Variants in CD101 observed in about 807,000 individuals in gnomAD.
CD101 encodes the protein immunoglobulin superfamily member 2.
In CD101, 76 loss-of-function variants were observed where a neutral mutation model predicts 98.2. That is an observed-to-expected ratio of 0.77 (90% CI 0.64 to 0.94). The LOEUF (loss-of-function observed/expected upper bound fraction) is 0.94. Ranked by LOEUF, CD101 falls within the 40% of genes least tolerant of loss-of-function variation. The pLI, the probability that CD101 is intolerant of heterozygous loss-of-function variation, is 0.00. For synonymous variants in CD101, 471 were observed against 472.7 expected, an observed-to-expected ratio of 1.00 and a Z score of 0.05; for missense variants, 1,145 against 1,218.8, an observed-to-expected ratio of 0.94 and a Z score of 0.90.
Position 117,022,012 on chromosome 1 carries a change from G to T in CD101, c.2428+29G>T. The T allele has an allele frequency of 1.3e-6, 2 of 1,563,394 alleles. No homozygotes were observed. Among genetic ancestry groups the T allele is most frequent in the Non-Finnish European group, 1.7e-6 (2 of 1,157,708 alleles). ...AACCTTGCGAGTGTATCCTCACAAT[G>T]TCTGTCTGTCTGACGGCTGTTTTCT... On this transcript the variant is annotated intron_variant, in intron 7 of 9. Transcript: ENST00000682167. This position sits in a 1 kb window ranked among gnomAD's most constrained non-coding sequence, Gnocchi z 4.8.
chr1:117,012,101 T>A lies in CD101; in HGVS notation c.841+135T>A. The stretch of plus-strand genomic sequence containing the variant: ...TAGAAAGTTTGATTTAATTTTGTAT[T>A]TTTGTCATCTGAGAAGCATAACTAA... On this transcript the variant is annotated intron_variant, in intron 3 of 9. Coordinates refer to ENST00000682167, the MANE Select transcript of CD101 (RefSeq NM_001256106.3). This position sits in a 1 kb window ranked among gnomAD's most constrained non-coding sequence, Gnocchi z 4.0. 1.2e-6 allele frequency: 1 copy of A among 827,354 alleles called. No homozygotes were observed. Among genetic ancestry groups the A allele is most frequent in the Non-Finnish European group, 1.9e-6 (1 of 532,658 alleles). The allele number at this position is 827,354 out of a possible 1,614,324, so 51.3% of individuals were successfully genotyped here.
In CD101 at chr1:117,029,204, AAAAGAAAGAAAAGAAAGAAAG is replaced by A. The variant is rs1654210290; in HGVS notation, c.2824+3312_2824+3332del. On this transcript the variant is annotated intron_variant, in intron 8 of 9. Coordinates refer to ENST00000682167, the MANE Select transcript of CD101 (RefSeq NM_001256106.3). The stretch of plus-strand genomic sequence containing the variant: ...GAAAGAAAGAAAGAAAGAAAGAAAG[AAAAGAAAGAAAAGAAAGAAAG>A]AAAGAAAGAAAGAAAGAAAGAAAGA... Among the ~76,000 whole-genome samples the A allele has an allele frequency of 9.3e-4, 55 of 58,858 alleles. 1 individual carries two copies. Among genetic ancestry groups the A allele is most frequent in the East Asian group, 5.3e-3 (13 of 2,440 alleles). 38.6% of individuals were successfully genotyped at this position (58,858 alleles called of 152,430 possible).
Position 117,004,482 on chromosome 1 carries a change from G to A in CD101, c.43+2622G>A, listed in dbSNP as rs986663426. Among the ~76,000 whole-genome samples, 3 of 152,026 alleles carry A rather than the reference G, an allele frequency of 2.0e-5. No individual in the cohort carries two copies. The highest frequency in any genetic ancestry group is 4.8e-5 in the African/African-American group (2 of 41,398). Reference sequence around the variant, plus strand: ...ATTTTTAAAGAAAGTCAATACCATCGAGGAATTTTTGGTGTTTTGAAAGCA... The same window carrying A: ...ATTTTTAAAGAAAGTCAATACCATCAAGGAATTTTTGGTGTTTTGAAAGCA... On this transcript the variant is annotated intron_variant, in intron 1 of 9. Transcript: ENST00000682167. This position sits in a 1 kb window ranked among gnomAD's most constrained non-coding sequence, Gnocchi z 4.1.
chr1:117,011,730 C>T lies in CD101; in HGVS notation c.605C>T (p.Ser202Phe), dbSNP rs41276560. Residue 202 changes from serine (S) to phenylalanine (F), a missense_variant, in exon 3 of 10, where the codon TCC (serine) becomes TTC (phenylalanine). Ser to Phe is a radical substitution (Grantham distance 155, BLOSUM62 -2). Coordinates refer to ENST00000682167, the MANE Select transcript of CD101 (RefSeq NM_001256106.3). ...CAAGCCACTGAGATTATTTCTCTCT[C>T]CAAAGATTTTATATTGGTCCCTGGG... The part of the protein sequence containing the change: ...GSQATEIISL[S>F]KDFILVPGPL... The T allele has an allele frequency of 3.7e-3, 6,036 of 1,614,088 alleles. 18 individuals are homozygous for T. Among genetic ancestry groups the T allele is most frequent in the Non-Finnish European group, 4.5e-3 (5,271 of 1,180,016 alleles).
In CD101 at chr1:117,019,661, T is replaced by C. The variant is rs747352676; in HGVS notation, c.2017+1101T>C. ...TCCCTACCCATGGATACAAGCTGTA[T>C]GTTCACAACTCCCACATTCATTATC... On this transcript the variant is annotated intron_variant, in intron 6 of 9. Transcript: ENST00000682167. This position sits in a 1 kb window ranked among gnomAD's most constrained non-coding sequence, Gnocchi z 4.3. Among the ~76,000 whole-genome samples, 1 of 152,220 alleles carries C rather than the reference T, an allele frequency of 6.6e-6. No homozygotes were observed. Among genetic ancestry groups the C allele is most frequent in the Non-Finnish European group, 1.5e-5 (1 of 68,042 alleles).
intron 8 of CD101, chr1:117,026,196 A>G (rs1653913381): frequency 1.0e-5 from 3 of 286,636 alleles, no homozygotes; most frequent in East Asian, 1.3e-4. Flanking sequence ...GCAATAAGCT[A>G]AGCTTACTGA....
chr1:117,001,841 A>T lies in CD101; in HGVS notation c.24A>T (p.Ala8=). The change falls in exon 1 of 10, where the codon GCA becomes GCT. Residue 8 remains alanine, a synonymous_variant. Transcript: ENST00000682167. Reference sequence around the variant, plus strand: ...AAATGGCAGGCATCTCATATGTGGCATCTTTCTTTCTCCTTCTGAGTAAGT... The same window carrying T: ...AAATGGCAGGCATCTCATATGTGGCTTCTTTCTTTCTCCTTCTGAGTAAGT... The part of the protein sequence containing the change: MAGISYV[A]SFFLLLTKLS... The T allele has an allele frequency of 1.2e-6, 2 of 1,614,164 alleles. No individual in the cohort carries two copies. The highest frequency in any genetic ancestry group is 1.7e-6 in the Non-Finnish European group (2 of 1,180,000).
chr1:117,002,920 GTAAGAT>G (rs1375857149), intron 1 of CD101, among the ~76,000 whole-genome samples: 1 of 152,216 alleles, frequency 6.6e-6, no homozygotes, highest in African/African-American at 2.4e-5. Flanking sequence ...AAATAAAGAT[GTAAGAT>G]TATTTTTCAC....
At chr1:117,020,177 A>G (rs958773570) in intron 6 of CD101, among the ~76,000 whole-genome samples, 3 of 152,114 alleles carry the variant, frequency 2.0e-5, no homozygotes, top group Admixed American at 2.0e-4. Flanking sequence ...TATTTGGGCT[A>G]GGAGACCCTG....
rs1557766680 is a variant in CD101, at chr1:117,011,563, CCT to C, written c.443_444del (p.Ser148CysfsTer10). On this transcript the variant is annotated frameshift_variant, in exon 3 of 10. Coordinates refer to ENST00000682167, the MANE Select transcript of CD101 (RefSeq NM_001256106.3). LOFTEE classifies it high-confidence loss of function. ...CTTTGTTTCCAGTTATTCCAGATAC[CCT>C]CTCTGCCACCATGAGTTCTCAGACT... ...KTNLIVIPDT[L>X]SATMSSQTLG... 1 of 1,612,568 alleles carries C rather than the reference CCT, an allele frequency of 6.2e-7. No individual in the cohort carries two copies. Among genetic ancestry groups the C allele is most frequent in the Admixed American group, 1.7e-5 (1 of 59,776 alleles).
At chr1:117,007,947 G>C (rs554611069) in intron 1 of CD101, among the ~76,000 whole-genome samples, 4 of 152,308 alleles carry the variant, frequency 2.6e-5, no homozygotes, top group African/African-American at 9.6e-5. Context: ...AATGAGCAGT[G>C]TAGCTGTGCA....
rs983380155 is a variant in CD101 at position 117,023,414 on chromosome 1, ACTT to A, written c.2428+1438_2428+1440del. Among the ~76,000 whole-genome samples the A allele has an allele frequency of 6.6e-6, 1 of 150,986 alleles. No homozygotes were observed. Among genetic ancestry groups the A allele is most frequent in the Non-Finnish European group, 1.5e-5 (1 of 67,748 alleles). On this transcript the variant is annotated intron_variant, in intron 7 of 9. Coordinates refer to ENST00000682167, the MANE Select transcript of CD101 (RefSeq NM_001256106.3). The surrounding 1 kb of genome is among the most constrained non-coding windows in gnomAD (Gnocchi z 4.4). The stretch of plus-strand genomic sequence containing the variant: ...GTTTGAGAATGTCCACAACTAATTC[ACTT>A]CTTCTTTTTCTTTTTTTTTAGACGG...
rs73004146 is a variant in CD101 at position 117,018,033 on chromosome 1, T to C, written c.1613-123T>C. 1.2e-3 allele frequency: 1,095 copies of C among 930,904 alleles called. 10 individuals carry two copies. In the African/African-American group the frequency reaches 0.016, roughly 14 times the overall value. The allele number at this position is 930,904 out of a possible 1,614,324, so 57.7% of individuals were successfully genotyped here. On this transcript the variant is annotated intron_variant, in intron 5 of 9. Transcript: ENST00000682167. This position sits in a 1 kb window ranked among gnomAD's most constrained non-coding sequence, Gnocchi z 4.3. Reference sequence around the variant, plus strand: ...GGGAATCAATTTCTACTCTATAAAATAGGAAACTCCAAATGTACAAATGCA... The same window carrying C: ...GGGAATCAATTTCTACTCTATAAAACAGGAAACTCCAAATGTACAAATGCA...
chr1:117,009,490 G>T (rs1652746695), intron 1 of CD101, among the ~76,000 whole-genome samples: 1 of 152,264 alleles, frequency 6.6e-6, no homozygotes, highest in Non-Finnish European at 1.5e-5. Flanking sequence ...ACTTGAGGAA[G>T]TATATGCCAA....
At chr1:117,035,390 G>A (rs533028176) in intron 9 of CD101, among the ~76,000 whole-genome samples, 1 of 152,262 alleles carries the variant, frequency 6.6e-6, no homozygotes, top group Non-Finnish European at 1.5e-5. Flanking sequence ...TGGTGGCTAT[G>A]AGCACTCCTA....
chr1:117,009,599 T>C (rs905452328), intron 1 of CD101, among the ~76,000 whole-genome samples: 7 of 152,376 alleles, frequency 4.6e-5, no homozygotes, highest in African/African-American at 1.7e-4. Flanking sequence ...TCGTGTTACA[T>C]TGATGAAGCT....
rs751251024 is a variant in CD101 at position 117,036,247 on chromosome 1, G to A, written c.*113G>A. 6.6e-6 allele frequency: 1 copy of A among 152,266 alleles called. No individual in the cohort carries two copies. The highest frequency in any genetic ancestry group is 1.5e-5 in the Non-Finnish European group (1 of 68,094). 9.4% of individuals were successfully genotyped at this position (152,266 alleles called of 1,614,324 possible). A position where few individuals can be genotyped will look rare whatever the true frequency, so the allele number is the denominator to read the frequency against. On this transcript the variant is annotated 3_prime_UTR_variant, in exon 10 of 10. Coordinates refer to ENST00000682167, the MANE Select transcript of CD101 (RefSeq NM_001256106.3). This position sits in a 1 kb window ranked among gnomAD's most constrained non-coding sequence, Gnocchi z 5.0. ...AGTCACCTGGAACCAGCTCCTGACA[G>A]ACCCCGGCAACTTCTAGATGAACCC...
At chr1:117,015,070 T>C (rs1445108916) in intron 4 of CD101, among the ~76,000 whole-genome samples, 1 of 152,222 alleles carries the variant, frequency 6.6e-6, no homozygotes, top group East Asian at 1.9e-4. Flanking sequence ...ATCCTATCAA[T>C]AGGGTCATCT....
chr1:117,032,985 G>A (rs1273198226), intron 8 of CD101: 1 of 152,244 alleles, frequency 6.6e-6, no homozygotes, highest in African/African-American at 2.4e-5. Flanking sequence ...ATTTAATTCA[G>A]ATCAGCAAAA....
Sources: gnomAD v4.1 joint callset for allele counts (sites outside exome capture counted in the v4.1 genomes callset) on GRCh38, gnomAD v4.1.1 for gene constraint, Gnocchi (gnomAD v3.1) non-coding constraint, MANE v1.5 for transcripts, NCBI Gene and HGNC (gene_info 2026-07-23, HGNC 2026-07-21) for gene names.